DOCK7: variants seen among roughly 807,000 people sequenced by gnomAD.
The protein encoded by DOCK7 is dedicator of cytokinesis 7.
A neutral mutation model predicts 271.0 loss-of-function variants in DOCK7; 138 were observed. The ratio of observed to expected loss-of-function variants is 0.51; its 90% CI spans 0.44 to 0.59. DOCK7 has a LOEUF of 0.59. Among genes scored for constraint, DOCK7 ranks in the 20% least tolerant of loss-of-function variants. The probability of loss-of-function intolerance (pLI) is 0.00; values close to 1 mark genes in which losing one functional copy is unlikely to be tolerated. For missense variants in DOCK7, 2,066 were observed against 2,592.4 expected (o/e 0.80, Z 4.41); for synonymous variants, 823 against 876.1 (o/e 0.94, Z 1.07).
chr1:62,639,203 G>GTATTTT (rs1655667516), intron 7 of DOCK7, among the ~76,000 whole-genome samples: 1 of 151,742 alleles, frequency 6.6e-6, no homozygotes, highest in Non-Finnish European at 1.5e-5. Flanking sequence ...TTGGCCCTTT[G>GTATTTT]TATTTTCATA....
rs143495546 is a variant in DOCK7 at position 62,574,156 on chromosome 1, T to C, written c.2112+3106A>G. Among the ~76,000 whole-genome samples, 606 of 152,214 alleles carry C rather than the reference T, an allele frequency of 4.0e-3. 15 individuals carry two copies. The highest frequency in any genetic ancestry group is 0.034 in the Admixed American group (526 of 15,280). On this transcript the variant is annotated intron_variant, in intron 18 of 49. Coordinates refer to ENST00000635253, the MANE Select transcript of DOCK7 (RefSeq NM_001367561.1). ...CCATGTTTCTAATTCAGCCTCTAGA[T>C]TGGGAGTCACAAGGATCTTTAAGAT...
At chr1:62,598,698 T>C in intron 14 of DOCK7, 1 of 1,596,416 alleles carries the variant, frequency 6.3e-7, no homozygotes, top group Non-Finnish European at 8.6e-7. Context: ...ATATCCAGAC[T>C]TTTGTAGAAA....
chr1:62,666,802 G>A (rs1479077609), intron 1 of DOCK7, among the ~76,000 whole-genome samples: 4 of 152,068 alleles, frequency 2.6e-5, no homozygotes, highest in Non-Finnish European at 5.9e-5. Context: ...TAACTGCAAA[G>A]TAGAAAAGGT....
intron 18 of DOCK7, among the ~76,000 whole-genome samples, chr1:62,576,807 A>G (rs1378280913): frequency 6.6e-6 from 1 of 152,220 alleles, no homozygotes; most frequent in Non-Finnish European, 1.5e-5. Flanking sequence ...CATGTATTAC[A>G]GGTTCACAGC....
intron 14 of DOCK7, chr1:62,603,969 G>T: frequency 1.2e-6 from 2 of 1,612,496 alleles, no homozygotes; most frequent in Non-Finnish European, 1.7e-6. Flanking sequence ...TTCTTTTCAG[G>T]AGAATTTTGG....
intron 14 of DOCK7, chr1:62,598,626 T>G: frequency 1.2e-6 from 1 of 818,118 alleles, no homozygotes; most frequent in South Asian, 1.4e-5. Context: ...TAGATTATGA[T>G]AGTGTTACAG....
intron 16 of DOCK7, 40 bp downstream of exon 16, chr1:62,583,144 A>C: frequency 6.6e-7 from 1 of 1,519,020 alleles, no homozygotes; most frequent in Non-Finnish European, 9.1e-7. Flanking sequence ...AATGCCACTG[A>C]GAAGTGAGTA....
intron 7 of DOCK7, among the ~76,000 whole-genome samples, chr1:62,637,614 A>G (rs914944775): frequency 7.9e-5 from 12 of 152,188 alleles, no homozygotes; most frequent in Admixed American, 2.0e-4. Flanking sequence ...TCCACATTGC[A>G]TGGTATTAAA....
chr1:62,553,350 ATATATTTTTTTTTTTTT>A (rs1174154249), intron 21 of DOCK7, among the ~76,000 whole-genome samples: 255 of 14,784 alleles, frequency 0.017, 1 homozygote, highest in South Asian at 0.029. Context: ...ATATATATAT[ATATATTTTTTTTTTTTT>A]TTTTTTTTTT....
At chr1:62,663,228 A>G (rs1658885580) in intron 1 of DOCK7, 98 bp from the exon 2 acceptor site, 3 of 908,366 alleles carry the variant, frequency 3.3e-6, no homozygotes, top group Non-Finnish European at 5.1e-6. Flanking sequence ...AGATTCATTT[A>G]AAGAAAAACA....
chr1:62,685,743 T>A (rs1323101674), intron 1 of DOCK7, among the ~76,000 whole-genome samples: 1 of 152,168 alleles, frequency 6.6e-6, no homozygotes, highest in Non-Finnish European at 1.5e-5. Flanking sequence ...AAACTCCTTT[T>A]TCCTCCTGTA....
intron 2 of DOCK7, among the ~76,000 whole-genome samples, chr1:62,658,265 C>T (rs1658263782): frequency 2.6e-5 from 4 of 151,362 alleles, no homozygotes; most frequent in African/African-American, 4.9e-5. Context: ...ACCAGCCTGG[C>T]GAACATGGCA....
chr1:62,538,122 T>C (rs1645407986), intron 27 of DOCK7, 61 bp from the exon 28 acceptor site: 6 of 1,509,340 alleles, frequency 4.0e-6, no homozygotes, highest in Middle Eastern at 3.5e-4. Flanking sequence ...TTAATACTAA[T>C]ACCAGAATGG....
intron 1 of DOCK7, among the ~76,000 whole-genome samples, chr1:62,687,905 C>T (rs1382981492): frequency 1.3e-5 from 2 of 152,206 alleles, no homozygotes; most frequent in Non-Finnish European, 2.9e-5. Context: ...AGCGGCCGAC[C>T]GCCCTTCCAT....
At chr1:62,569,763 G>C (rs1188618750) in intron 18 of DOCK7, among the ~76,000 whole-genome samples, 1 of 123,452 alleles carries the variant, frequency 8.1e-6, no homozygotes, top group Admixed American at 1.2e-4. Flanking sequence ...ACTCAGGCTA[G>C]AGTGCAGTGG....
intron 43 of DOCK7, among the ~76,000 whole-genome samples, chr1:62,479,442 A>G (rs1646055584): frequency 1.3e-5 from 2 of 152,178 alleles, no homozygotes; most frequent in Admixed American, 1.3e-4. Flanking sequence ...AAATTAACTG[A>G]TTTCTACAGC....
intron 1 of DOCK7, 21 bp from the exon 2 acceptor site, chr1:62,663,151 A>G (rs573845280): frequency 1.3e-6 from 2 of 1,562,064 alleles, no homozygotes; most frequent in Non-Finnish European, 1.7e-6. Context: ...GAAAGCAAAA[A>G]CATACGCATT....
intron 1 of DOCK7, among the ~76,000 whole-genome samples, chr1:62,681,478 T>C (rs1311844295): frequency 6.7e-6 from 1 of 149,792 alleles, no homozygotes; most frequent in Non-Finnish European, 1.5e-5. Context: ...GGCGCATGTA[T>C]ACATATGTAA....
At chr1:62,553,312 TTATATA>T (rs1370176103) in intron 21 of DOCK7, among the ~76,000 whole-genome samples, 40 of 20,542 alleles carry the variant, frequency 1.9e-3, no homozygotes, top group South Asian at 3.3e-3. Context: ...AAAAAGTATT[TTATATA>T]TATATATATA....
Sources: gnomAD v4.1 joint callset for allele counts (sites outside exome capture counted in the v4.1 genomes callset) on GRCh38, gnomAD v4.1.1 for gene constraint, MANE v1.5 for transcripts, NCBI Gene and HGNC (gene_info 2026-07-23, HGNC 2026-07-21) for gene names.